Variants in EPHA3 observed in about 807,000 individuals in gnomAD.
EPHA3 encodes the protein ephrin type-A receptor 3.
In EPHA3, 42 loss-of-function variants were observed where a neutral mutation model predicts 107.1. That is an observed-to-expected ratio of 0.39 (90% confidence interval 0.31 to 0.51). The LOEUF (loss-of-function observed/expected upper bound fraction) is 0.51, where lower values mean the gene tolerates loss of function less well. Among genes scored for constraint, EPHA3 ranks in the 20% least tolerant of loss-of-function variants. EPHA3 has a pLI of 0.78. For missense variants in EPHA3, 1,183 were observed against 1,211.2 expected, an observed-to-expected ratio of 0.98 and a Z score of 0.35; for synonymous variants, 461 against 424.8, an observed-to-expected ratio of 1.09 and a Z score of -1.05.
chr3:89,337,598 T>G (rs557063507), intron 3 of EPHA3, among the ~76,000 whole-genome samples: 5 of 152,334 alleles, frequency 3.3e-5, no homozygotes, highest in Non-Finnish European at 7.3e-5. Flanking sequence ...GGTTAAAGCC[T>G]ATCAGCTAGT....
chr3:89,449,915 T>C (rs1350124983), intron 14 of EPHA3, among the ~76,000 whole-genome samples: 1 of 152,210 alleles, frequency 6.6e-6, no homozygotes, highest in Non-Finnish European at 1.5e-5. Flanking sequence ...ATTTAACATT[T>C]CTTTTTATTT....
intron 2 of EPHA3, among the ~76,000 whole-genome samples, chr3:89,179,368 G>A (rs1705386633): frequency 6.6e-6 from 1 of 151,946 alleles, no homozygotes; most frequent in African/African-American, 2.4e-5. Context: ...TTAAAAAGGA[G>A]GGGAACTTTT....
chr3:89,175,818 T>C (rs1180676589), intron 2 of EPHA3, among the ~76,000 whole-genome samples: 2 of 152,086 alleles, frequency 1.3e-5, no homozygotes, highest in Non-Finnish European at 2.9e-5. Context: ...ACCCTTAGCA[T>C]TGAAAAAGGA....
At chr3:89,400,545 AT>A (rs955518672) in intron 7 of EPHA3, among the ~76,000 whole-genome samples, 5 of 152,006 alleles carry the variant, frequency 3.3e-5, no homozygotes, top group African/African-American at 1.2e-4. Context: ...TGTTTAACTC[AT>A]TAATTAATAA....
At chr3:89,201,118 C>T (rs948881156) in intron 2 of EPHA3, among the ~76,000 whole-genome samples, 4 of 152,146 alleles carry the variant, frequency 2.6e-5, no homozygotes, top group African/African-American at 9.7e-5. Flanking sequence ...CCTCAGGAAA[C>T]TTACAATCAT....
At chr3:89,376,407 T>C (rs1409181491) in intron 5 of EPHA3, among the ~76,000 whole-genome samples, 1 of 151,950 alleles carries the variant, frequency 6.6e-6, no homozygotes, top group South Asian at 2.1e-4. Context: ...TTAGATATTG[T>C]ATGTACATAT....
At chr3:89,110,495 C>T (rs1707077914) in intron 1 of EPHA3, among the ~76,000 whole-genome samples, 1 of 151,850 alleles carries the variant, frequency 6.6e-6, no homozygotes, top group Admixed American at 6.6e-5. Context: ...TATATGCTTT[C>T]AAGAAAATGA....
intron 5 of EPHA3, among the ~76,000 whole-genome samples, chr3:89,363,737 T>C (rs1405251497): frequency 6.6e-6 from 1 of 150,768 alleles, no homozygotes; most frequent in Admixed American, 6.7e-5. Context: ...AGTTAATTTC[T>C]AGACTATATT....
chr3:89,252,409 A>G (rs2107265199), intron 3 of EPHA3, among the ~76,000 whole-genome samples: 1 of 152,312 alleles, frequency 6.6e-6, no homozygotes. Context: ...AAAACAATCC[A>G]TATTCTATTT....
chr3:89,222,873 G>A (rs1206205339), intron 3 of EPHA3, among the ~76,000 whole-genome samples: 3 of 152,138 alleles, frequency 2.0e-5, no homozygotes, highest in Admixed American at 6.6e-5. Flanking sequence ...GTGACTTAAA[G>A]TTGCAGACTT....
chr3:89,431,205 C>T lies in EPHA3; in HGVS notation c.2192C>T (p.Ala731Val), dbSNP rs772325232. Residue 731 changes from alanine to valine, a missense_variant, in exon 13 of 17, where the codon GCA becomes GTA. Coordinates refer to ENST00000336596, the MANE Select transcript of EPHA3 (RefSeq NM_005233.6). Reference protein sequence around the residue: ...IQLVGMLRGIASGMKYLSDMG... With the variant: ...IQLVGMLRGIVSGMKYLSDMG... ...CTAGTGGGGATGCTTCGAGGGATAG[C>T]ATCTGGCATGAAGTACCTGTCAGAC... 1.9e-6 allele frequency: 3 copies of T among 1,613,866 alleles called. No individual in the cohort carries two copies. The East Asian group carries it at 6.7e-5, about 36-fold the overall frequency.
intron 5 of EPHA3, among the ~76,000 whole-genome samples, chr3:89,356,429 G>A (rs1448878508): frequency 6.6e-6 from 1 of 150,976 alleles, no homozygotes; most frequent in Non-Finnish European, 1.5e-5. Context: ...ACAATGTTTG[G>A]ACTAGTTTAC....
chr3:89,160,591 C>G (rs796941342), intron 2 of EPHA3, among the ~76,000 whole-genome samples: 1 of 83,148 alleles, frequency 1.2e-5, no homozygotes, highest in Non-Finnish European at 2.5e-5. Context: ...TGTGTGTGTG[C>G]GCGCATTCTT....
intron 3 of EPHA3, among the ~76,000 whole-genome samples, chr3:89,234,525 G>A (rs1249916128): frequency 6.6e-6 from 1 of 152,118 alleles, no homozygotes; most frequent in Admixed American, 6.5e-5. Context: ...AATCCACATG[G>A]ACCAATCAAA....
chr3:89,407,173 C>T (rs917126166), intron 7 of EPHA3, 96 bp from the exon 8 acceptor site: 5 of 809,670 alleles, frequency 6.2e-6, no homozygotes, highest in African/African-American at 1.7e-5. Flanking sequence ...AAAAGTAGAA[C>T]ACATATTAAT....
intron 3 of EPHA3, among the ~76,000 whole-genome samples, chr3:89,225,817 A>T (rs1704488403): frequency 1.3e-5 from 2 of 152,232 alleles, no homozygotes; most frequent in Non-Finnish European, 2.9e-5. Context: ...GAGTATAGTA[A>T]ACATCACAAT....
rs143638498 is a variant in EPHA3, at chr3:89,254,018, C to T, written c.814+43498C>T. Among the ~76,000 whole-genome samples the T allele has an allele frequency of 5.3e-5, 8 of 151,970 alleles. No individual in the cohort carries two copies. The East Asian group carries it at 1.5e-3, about 29-fold the overall frequency. ...ATAAATATATCAATATAAATATAGCCATTTCCTTGTCCAACAATGTCTACA... is the reference window on the plus strand; with the variant it reads ...ATAAATATATCAATATAAATATAGCTATTTCCTTGTCCAACAATGTCTACA... On this transcript the variant is annotated intron_variant, in intron 3 of 16. Coordinates refer to ENST00000336596, the MANE Select transcript of EPHA3 (RefSeq NM_005233.6).
intron 3 of EPHA3, among the ~76,000 whole-genome samples, chr3:89,272,605 A>G (rs577516988): frequency 6.6e-6 from 1 of 152,060 alleles, no homozygotes; most frequent in Non-Finnish European, 1.5e-5. Flanking sequence ...TGTTAAGTAG[A>G]ATCGTATTTC....
chr3:89,371,082 C>T (rs1708291289), intron 5 of EPHA3, among the ~76,000 whole-genome samples: 1 of 151,756 alleles, frequency 6.6e-6, no homozygotes, highest in East Asian at 1.9e-4. Context: ...TCAAGGTAGT[C>T]AGGTTCTCTG....
Sources: allele counts gnomAD v4.1 joint callset (sites outside exome capture counted in the v4.1 genomes callset), GRCh38; gene constraint gnomAD v4.1.1; transcripts MANE v1.5; gene names NCBI Gene and HGNC (gene_info 2026-07-23, HGNC 2026-07-21).